KCNC2: variants seen among roughly 807,000 people sequenced by gnomAD.
KCNC2 encodes the protein voltage-gated potassium channel KCNC2.
A neutral mutation model predicts 44.5 loss-of-function variants in KCNC2; 21 were observed. The observed-to-expected ratio is 0.47, with a 90% CI of 0.33 to 0.68. The LOEUF (loss-of-function observed/expected upper bound fraction) is 0.68. Ranked by LOEUF, KCNC2 falls within the 30% of genes least tolerant of loss-of-function variation. The pLI, the probability that KCNC2 is intolerant of heterozygous loss-of-function variation, is 0.01. For missense variants in KCNC2, 589 were observed against 826.2 expected, an observed-to-expected ratio of 0.71 and a Z score of 3.52; for synonymous variants, 391 against 339.1, an observed-to-expected ratio of 1.15 and a Z score of -1.68.
intron 2 of KCNC2, among the ~76,000 whole-genome samples, chr12:75,148,565 G>T (rs1344792077): frequency 6.6e-6 from 1 of 151,962 alleles, no homozygotes; most frequent in African/African-American, 2.4e-5. Flanking sequence ...TGGTGACTAT[G>T]ATATTTCAAT....
intron 2 of KCNC2, among the ~76,000 whole-genome samples, chr12:75,134,262 A>G (rs528495163): frequency 5.3e-5 from 8 of 152,112 alleles, no homozygotes; most frequent in Admixed American, 4.6e-4. Flanking sequence ...TGAACTGCCT[A>G]TAATAGGCAT....
chr12:75,099,218 T>C (rs777831273), intron 2 of KCNC2, among the ~76,000 whole-genome samples: 7 of 152,186 alleles, frequency 4.6e-5, no homozygotes, highest in Non-Finnish European at 1.0e-4. Flanking sequence ...CAAGGTGCCA[T>C]TTGTTCTCAG....
intron 2 of KCNC2, among the ~76,000 whole-genome samples, chr12:75,114,720 T>C (rs983043304): frequency 6.6e-6 from 1 of 152,086 alleles, no homozygotes; most frequent in East Asian, 1.9e-4. Context: ...GGTTCACAAA[T>C]ACTACTTCAC....
Position 75,093,299 on chromosome 12 carries a change from C to T in KCNC2, c.688-41982G>A, listed in dbSNP as rs748171074. 5.3e-5 allele frequency among the ~76,000 whole-genome samples: 8 copies of T among 151,560 alleles called. No homozygotes were observed. In the East Asian group the frequency reaches 5.8e-4, roughly 11 times the overall value. ...TCAATGGTCTTAGTAATGTCAACTT[C>T]GCATATGTTACAAGATCAGTTTAAT... On this transcript the variant is annotated intron_variant, in intron 2 of 4. Coordinates refer to ENST00000549446, the MANE Select transcript of KCNC2 (RefSeq NM_139137.4).
intron 2 of KCNC2, among the ~76,000 whole-genome samples, chr12:75,062,105 A>G (rs1882404221): frequency 6.6e-6 from 1 of 152,104 alleles, no homozygotes; most frequent in African/African-American, 2.4e-5. Context: ...TTTTTATTTA[A>G]TCTTAACAAC....
At chr12:75,156,748 C>G (rs1449067981) in intron 2 of KCNC2, among the ~76,000 whole-genome samples, 1 of 151,858 alleles carries the variant, frequency 6.6e-6, no homozygotes, top group Non-Finnish European at 1.5e-5. Context: ...ATAACTCTAA[C>G]TCCCTATTTA....
rs571009651 is a variant in KCNC2 at position 75,209,047 on chromosome 12, C to T, written c.-20+160G>A. 2.6e-5 allele frequency among the ~76,000 whole-genome samples: 4 copies of T among 152,224 alleles called. No individual in the cohort carries two copies. The South Asian group carries it at 8.3e-4, about 32-fold the overall frequency. On this transcript the variant is annotated intron_variant, in intron 1 of 4. Coordinates refer to ENST00000549446, the MANE Select transcript of KCNC2 (RefSeq NM_139137.4). ...GTCCCTGAGCTGAAAGTCTCGCTGA[C>T]AGTGTCCCTGTTTCCAGCCTCCCAG...
chr12:75,173,036 A>ATAATTACTAT (rs1891938509), intron 2 of KCNC2, among the ~76,000 whole-genome samples: 1 of 151,928 alleles, frequency 6.6e-6, no homozygotes, highest in South Asian at 2.1e-4. Flanking sequence ...CAAATACTCT[A>ATAATTACTAT]TAATTACTAT....
At chr12:75,072,972 C>G (rs35071597) in intron 2 of KCNC2, among the ~76,000 whole-genome samples, 25,227 of 152,036 alleles carry the variant, frequency 0.17, 2,532 homozygotes, top group Admixed American at 0.27. Flanking sequence ...AGGAATACAT[C>G]CCTTATTATG....
chr12:75,086,681 A>AAAATATATATATATATATATAT (rs1206456289), intron 2 of KCNC2, among the ~76,000 whole-genome samples: 2 of 54,204 alleles, frequency 3.7e-5, no homozygotes, highest in Non-Finnish European at 7.0e-5. Context: ...AAAAAAAAAA[A>AAAATATATATATATATATATAT]ATATATATAT....
chr12:75,168,950 A>G (rs1891635507), intron 2 of KCNC2, among the ~76,000 whole-genome samples: 1 of 151,534 alleles, frequency 6.6e-6, no homozygotes, highest in Non-Finnish European at 1.5e-5. Context: ...TACAATCCAA[A>G]TGATAATACT....
At chr12:75,110,089 G>A (rs1887108556) in intron 2 of KCNC2, among the ~76,000 whole-genome samples, 2 of 151,938 alleles carry the variant, frequency 1.3e-5, no homozygotes, top group African/African-American at 4.8e-5. Flanking sequence ...TTCAGATGAA[G>A]GAAAAGGAAC....
intron 2 of KCNC2, among the ~76,000 whole-genome samples, chr12:75,075,318 G>C (rs1445648591): frequency 2.0e-5 from 3 of 151,652 alleles, no homozygotes; most frequent in Admixed American, 6.6e-5. Flanking sequence ...CCAATCAAGA[G>C]ATGCCATGAT....
chr12:75,162,636 C>G (rs1020791256), intron 2 of KCNC2, among the ~76,000 whole-genome samples: 1 of 151,654 alleles, frequency 6.6e-6, no homozygotes, highest in South Asian at 2.1e-4. Context: ...GATAACCAAG[C>G]CTGCTAAAGC....
intron 2 of KCNC2, among the ~76,000 whole-genome samples, chr12:75,144,073 G>A (rs1889845077): frequency 6.6e-6 from 1 of 152,054 alleles, no homozygotes; most frequent in South Asian, 2.1e-4. Context: ...AATTATGACA[G>A]TTTCACTTGC....
chr12:75,085,964 G>A (rs1335587017), intron 2 of KCNC2, among the ~76,000 whole-genome samples: 4 of 151,920 alleles, frequency 2.6e-5, no homozygotes, highest in Non-Finnish European at 5.9e-5. Context: ...ATATTTCTCA[G>A]TACACTTTTT....
chr12:75,176,370 A>G (rs2137612332), intron 2 of KCNC2, among the ~76,000 whole-genome samples: 2 of 152,090 alleles, frequency 1.3e-5, no homozygotes, highest in South Asian at 4.1e-4. Context: ...CAGAAGCCAG[A>G]TCATGCCATT....
intron 2 of KCNC2, among the ~76,000 whole-genome samples, chr12:75,184,606 C>T (rs900770089): frequency 6.6e-6 from 1 of 152,080 alleles, no homozygotes; most frequent in Non-Finnish European, 1.5e-5. Context: ...CTAATTTCCC[C>T]CAGGTACTTT....
intron 2 of KCNC2, among the ~76,000 whole-genome samples, chr12:75,155,887 T>C (rs150616902): frequency 3.9e-5 from 6 of 151,924 alleles, no homozygotes; most frequent in African/African-American, 1.4e-4. Flanking sequence ...GGATGACAAT[T>C]TGAAATCCCA....
Sources: gnomAD v4.1 joint callset for allele counts (sites outside exome capture counted in the v4.1 genomes callset) on GRCh38, gnomAD v4.1.1 for gene constraint, MANE v1.5 for transcripts, NCBI Gene and HGNC (gene_info 2026-07-23, HGNC 2026-07-21) for gene names.